The following USP9X variants were observed in gnomAD, a reference collection of about 807,000 sequenced individuals.
USP9X encodes the protein ubiquitin specific peptidase 9 X-linked.
USP9X carries 7 observed loss-of-function variants against 190.3 expected under a neutral mutation model. The observed-to-expected ratio is 0.04, with a 90% CI of 0.02 to 0.07. USP9X has a LOEUF of 0.07. USP9X is among the 10% of genes least tolerant of loss of function. The pLI is 1.00. For synonymous variants in USP9X, 645 were observed against 659.5 expected (o/e 0.98, Z 0.34); for missense variants, 1,010 against 1,916.9 (o/e 0.53, Z 8.83).
chrX:41,147,060 C>CTT lies in USP9X; in HGVS notation c.1420-1306_1420-1305dup, dbSNP rs1037519107. Among the ~76,000 whole-genome samples the CTT allele has an allele frequency of 1.8e-4, 20 of 111,367 alleles. No homozygotes were observed. In the Admixed American group the frequency reaches 1.9e-3, roughly 11 times the overall value. On this transcript the variant is annotated intron_variant, in intron 11 of 44. Transcript: ENST00000378308. ...ATCCTGGTGCAGTCCATGTGTATGTCTTTTAAGTCTCTTTGAAACTAGCTT... is the reference window on the plus strand; with the variant it reads ...ATCCTGGTGCAGTCCATGTGTATGTCTTTTTTAAGTCTCTTTGAAACTAGCTT...
rs1166940341 is a variant in USP9X, at chrX:41,236,232, TGTTCA to T, written c.*3712_*3716del. 9.0e-6 allele frequency: 1 copy of T among 111,302 alleles called. No individual in the cohort carries two copies. The highest frequency in any genetic ancestry group is 3.3e-5 in the African/African-American group (1 of 30,590). 9.2% of individuals were successfully genotyped at this position (111,302 alleles called of 1,213,427 possible). ...AGAATTGGTCCTACATATATGTGAG[TGTTCA>T]GTTTTTGCAAATAAGGTTTTTGAGT... On this transcript the variant is annotated 3_prime_UTR_variant, in exon 45 of 45. Transcript: ENST00000378308.
Position 41,186,459 on chromosome X carries a change from G to A in USP9X, c.3559-58G>A, listed in dbSNP as rs371043324. On this transcript the variant is annotated intron_variant, in intron 23 of 44. Coordinates refer to ENST00000378308, the MANE Select transcript of USP9X (RefSeq NM_001039591.3). ...GTGGGTGATGAATGAAGAGCAATTG[G>A]TTAGGTCTGGTTATGTACAAATTAT... 43 of 1,170,125 alleles carry A rather than the reference G, an allele frequency of 3.7e-5. 1 individual carries two copies. In the African/African-American group the frequency reaches 3.7e-4, roughly 10 times the overall value.
At chrX:41,183,299 TA>T (rs771363791) in intron 21 of USP9X, among the ~76,000 whole-genome samples, 86 of 110,034 alleles carry the variant, frequency 7.8e-4, no homozygotes, top group Non-Finnish European at 1.5e-3. Context: ...ATTATCAAGG[TA>T]TTTTTTTAAT....
intron 3 of USP9X, among the ~76,000 whole-genome samples, chrX:41,130,643 C>CA (rs1405620580): frequency 1.9e-5 from 2 of 107,901 alleles, no homozygotes; most frequent in Non-Finnish European, 3.8e-5. Flanking sequence ...CACGTGCCAC[C>CA]ATACCCAGCT....
intron 1 of USP9X, among the ~76,000 whole-genome samples, chrX:41,091,175 C>A (rs770680860): frequency 1.0e-5 from 1 of 99,355 alleles, no homozygotes; most frequent in African/African-American, 3.7e-5. Flanking sequence ...TTTAAAAAAA[C>A]TTTGTTATGG....
chrX:41,140,238 A>G (rs187000469), intron 6 of USP9X, among the ~76,000 whole-genome samples: 1 of 112,611 alleles, frequency 8.9e-6, no homozygotes, highest in East Asian at 2.8e-4. Context: ...ATGTTTTACA[A>G]CTAAACAAGA....
intron 32 of USP9X, among the ~76,000 whole-genome samples, chrX:41,207,821 A>C (rs754419845): frequency 9.2e-6 from 1 of 109,202 alleles, no homozygotes; most frequent in Non-Finnish European, 1.9e-5. Flanking sequence ...CCCTCTACTT[A>C]CTCTGTACTA....
At position 41,224,854 on chromosome X, in the gene USP9X, A is replaced by G; in HGVS notation, c.6864A>G (p.Lys2288=). ...TTGTGAGAACAAGTTATGTGAAGAA[A>G]ATCATTGAAGACTGCAGTAATTCAG... is the stretch of plus-strand genomic sequence containing the variant. ...ILFVRTSYVK[K]IIEDCSNSEE... The change falls in exon 40 of 45, where the codon AAA becomes AAG. Residue 2288 remains lysine, a synonymous_variant. Coordinates refer to ENST00000378308, the MANE Select transcript of USP9X (RefSeq NM_001039591.3). The G allele has an allele frequency of 8.3e-7, 1 of 1,211,818 alleles. No individual in the cohort carries two copies. The highest frequency in any genetic ancestry group is 1.1e-6 in the Non-Finnish European group (1 of 895,549).
chrX:41,218,724 TGTCA>T (rs2063234892), intron 37 of USP9X, 127 bp downstream of exon 37: 1 of 591,111 alleles, frequency 1.7e-6, no homozygotes, highest in Non-Finnish European at 2.7e-6. Context: ...CACAATATGA[TGTCA>T]GTGAGTTCCA....
intron 14 of USP9X, among the ~76,000 whole-genome samples, chrX:41,160,610 A>G (rs1346523008): frequency 9.0e-6 from 1 of 111,497 alleles, no homozygotes; most frequent in Admixed American, 9.6e-5. Flanking sequence ...ATTACTTATT[A>G]ATTACAAAGA....
At chrX:41,195,069 GCT>G (rs1457189980) in intron 26 of USP9X, among the ~76,000 whole-genome samples, 1 of 95,480 alleles carries the variant, frequency 1.0e-5, no homozygotes, top group African/African-American at 4.1e-5. Context: ...ATGGATTCTT[GCT>G]CTGTCACCAG....
chrX:41,225,289 C>T (rs751729152), intron 41 of USP9X, 152 bp downstream of exon 41: 8 of 423,610 alleles, frequency 1.9e-5, no homozygotes, highest in Admixed American at 4.5e-5. Flanking sequence ...CAGGTTCTCC[C>T]CTTTTCCTCA....
At chrX:41,164,512 A>ATTTT (rs2062662499) in intron 15 of USP9X, among the ~76,000 whole-genome samples, 1 of 111,283 alleles carries the variant, frequency 9.0e-6, no homozygotes, top group Non-Finnish European at 1.9e-5. Flanking sequence ...CCTTTTTGCC[A>ATTTT]TTTTAAAGTT....
At position 41,086,018 on chromosome X, in the gene USP9X, G is replaced by T. The variant is rs1191244737; in HGVS notation, c.-250G>T. The stretch of plus-strand genomic sequence containing the variant: ...CACCCCCGGGCCTGGGATGCACCCA[G>T]GGTAGGTCTCGTCCCGGGACCGAGC... On this transcript the variant is annotated 5_prime_UTR_variant, in exon 1 of 45. The change creates a new upstream start codon in the 5' untranslated region. Coordinates refer to ENST00000378308, the MANE Select transcript of USP9X (RefSeq NM_001039591.3). 3.4e-6 allele frequency: 1 copy of T among 296,351 alleles called. No individual in the cohort carries two copies. Among genetic ancestry groups the T allele is most frequent in the Non-Finnish European group, 5.9e-6 (1 of 170,010 alleles). 24.4% of individuals were successfully genotyped at this position (296,351 alleles called of 1,213,427 possible). A position where few individuals can be genotyped will look rare whatever the true frequency, so the allele number is the denominator to read the frequency against.
Position 41,215,944 on chromosome X carries a change from C to T in USP9X, c.5377C>T (p.Leu1793Phe). Residue 1793 changes from leucine to phenylalanine, a missense_variant, in exon 35 of 45, where the codon CTT becomes TTT. Leu to Phe is a conservative substitution (Grantham distance 22). Transcript: ENST00000378308. ...RLLIKKLPPV[L>F]AIQLKRFDYD... ...GCTGATTAAAAAATTACCTCCTGTT[C>T]TTGCTATACAACTAAAGCGATTTGA... 2 of 1,209,319 alleles carry T rather than the reference C, an allele frequency of 1.7e-6. No homozygotes were observed. The highest frequency in any genetic ancestry group is 2.2e-6 in the Non-Finnish European group (2 of 894,790).
chrX:41,201,361 C>A, intron 31 of USP9X, 81 bp downstream of exon 31: 1 of 948,743 alleles, frequency 1.1e-6, no homozygotes, highest in Non-Finnish European at 1.5e-6. Context: ...GAGTGTTATA[C>A]TTTCATCAAA....
intron 31 of USP9X, among the ~76,000 whole-genome samples, chrX:41,203,503 A>G (rs2063061639): frequency 8.9e-6 from 1 of 112,023 alleles, no homozygotes; most frequent in Middle Eastern, 4.2e-3. Flanking sequence ...ATTCCATTAT[A>G]TGTATATACC....
chrX:41,118,914 T>C (rs1390227943), intron 1 of USP9X, among the ~76,000 whole-genome samples: 1 of 111,378 alleles, frequency 9.0e-6, no homozygotes, highest in African/African-American at 3.3e-5. Flanking sequence ...TCCAGGATTA[T>C]ATAAGCCAAG....
intron 30 of USP9X, among the ~76,000 whole-genome samples, chrX:41,199,356 A>G (rs2063019791): frequency 8.9e-6 from 1 of 112,485 alleles, no homozygotes; most frequent in Non-Finnish European, 1.9e-5. Context: ...CAAACTCCAG[A>G]TTAAAAGGTA....
Sources: allele counts gnomAD v4.1 joint callset (sites outside exome capture counted in the v4.1 genomes callset), GRCh38; gene constraint gnomAD v4.1.1; transcripts MANE v1.5; gene names NCBI Gene and HGNC (gene_info 2026-07-23, HGNC 2026-07-21).